FAM193A: variants seen among roughly 807,000 people sequenced by gnomAD.
FAM193A encodes the protein protein FAM193A.
In FAM193A, 22 loss-of-function variants were observed where a neutral mutation model predicts 126.5. The ratio of observed to expected loss-of-function variants is 0.17; its 90% CI spans 0.12 to 0.25. The LOEUF is 0.25. Ranked by LOEUF, FAM193A falls within the 10% of genes least tolerant of loss-of-function variation. The pLI is 1.00. For missense variants in FAM193A, 1,675 were observed against 1,672.8 expected (o/e 1.00, Z -0.02); for synonymous variants, 761 against 646.8 (o/e 1.18, Z -2.68).
chr4:2,666,042 A>G (rs1268831389), intron 12 of FAM193A, among the ~76,000 whole-genome samples: 1 of 152,120 alleles, frequency 6.6e-6, no homozygotes, highest in African/African-American at 2.4e-5. Context: ...GAATTGTTGC[A>G]AGCAGATATC....
intron 12 of FAM193A, among the ~76,000 whole-genome samples, chr4:2,671,741 T>A (rs1296986015): frequency 6.6e-6 from 1 of 152,252 alleles, no homozygotes; most frequent in Non-Finnish European, 1.5e-5. Context: ...AGAATCCATG[T>A]GTGACTACTT....
At chr4:2,657,778 T>TC in intron 7 of FAM193A, 25 bp from the exon 8 acceptor site, 1 of 1,542,914 alleles carries the variant, frequency 6.5e-7, no homozygotes, top group Non-Finnish European at 8.8e-7. Flanking sequence ...TTCTTTTTTT[T>TC]CTGTTTTTTA....
In FAM193A at chr4:2,540,944, G is replaced by A. The variant is rs1737195042; in HGVS notation, c.255+3774G>A. Among the ~76,000 whole-genome samples the A allele has an allele frequency of 2.7e-5, 4 of 146,128 alleles. No homozygotes were observed. The Admixed American group carries it at 2.8e-4, about 10-fold the overall frequency. On this transcript the variant is annotated intron_variant, in intron 1 of 20. Transcript: ENST00000637812. ...TCACTACACTCTAGCCTGGGCGACA[G>A]TGCAAGACTGTGTCTCAAAATCCGT...
At chr4:2,579,426 G>C (rs918617364) in intron 1 of FAM193A, among the ~76,000 whole-genome samples, 1 of 152,138 alleles carries the variant, frequency 6.6e-6, no homozygotes, top group Non-Finnish European at 1.5e-5. Context: ...GGCTGGACGT[G>C]GTGGCTCACA....
chr4:2,716,806 A>G (rs1034712240), intron 20 of FAM193A, among the ~76,000 whole-genome samples: 2 of 151,776 alleles, frequency 1.3e-5, no homozygotes, highest in Admixed American at 1.3e-4. Flanking sequence ...CCTCCAGACT[A>G]GCTGGGATTA....
At chr4:2,640,125 T>C (rs1744468439) in intron 6 of FAM193A, among the ~76,000 whole-genome samples, 1 of 152,170 alleles carries the variant, frequency 6.6e-6, no homozygotes, top group African/African-American at 2.4e-5. Context: ...ATATAGCACT[T>C]TTCCTTGACA....
intron 1 of FAM193A, 23 bp from the exon 2 acceptor site, chr4:2,596,061 A>G (rs1740840645): frequency 1.5e-6 from 1 of 681,418 alleles, no homozygotes; most frequent in Admixed American, 2.2e-5. Context: ...TTTTGAAAAT[A>G]GAATTTTTTT....
At chr4:2,728,587 G>T (rs148937535) in intron 20 of FAM193A, among the ~76,000 whole-genome samples, 410 of 152,224 alleles carry the variant, frequency 2.7e-3, no homozygotes, top group African/African-American at 7.7e-3. Flanking sequence ...GGGGCCTGGG[G>T]CTGAAATTTT....
chr4:2,716,884 C>T (rs781520010), intron 20 of FAM193A, among the ~76,000 whole-genome samples: 70 of 152,264 alleles, frequency 4.6e-4, no homozygotes, highest in Non-Finnish European at 9.3e-4. Context: ...CCGTGGTTAC[C>T]AGACTGGTCT....
At chr4:2,555,846 G>C (rs1053142813) in intron 1 of FAM193A, among the ~76,000 whole-genome samples, 1 of 151,854 alleles carries the variant, frequency 6.6e-6, no homozygotes, top group Non-Finnish European at 1.5e-5. Flanking sequence ...TCGATCTCCT[G>C]ACCTTGTGAT....
intron 1 of FAM193A, among the ~76,000 whole-genome samples, chr4:2,593,648 T>C (rs1448777647): frequency 6.6e-6 from 1 of 152,024 alleles, no homozygotes; most frequent in African/African-American, 2.4e-5. Flanking sequence ...CTGGTGAATG[T>C]ACAGGAGCTG....
chr4:2,608,009 G>A (rs1741645161), intron 2 of FAM193A: 5 of 1,597,466 alleles, frequency 3.1e-6, no homozygotes, highest in Non-Finnish European at 4.3e-6. Context: ...CTGCTGGGGT[G>A]TGAATGTGCA....
At chr4:2,725,576 T>C (rs1175113315) in intron 20 of FAM193A, among the ~76,000 whole-genome samples, 1 of 151,984 alleles carries the variant, frequency 6.6e-6, no homozygotes, top group East Asian at 1.9e-4. Context: ...GTATAGACTC[T>C]AGATAGAGTG....
chr4:2,659,945 A>G lies in FAM193A; in HGVS notation c.1636A>G (p.Ser546Gly), dbSNP rs1418148390. The change falls in exon 10 of 21, where the codon AGC becomes GGC. Residue 546 changes from serine (S) to glycine (G), a missense_variant. This residue lies in a region of FAM193A where 1,186 missense variants were observed against 1,109.2 expected (regional missense o/e 1.07). Coordinates refer to ENST00000637812, the MANE Select transcript of FAM193A (RefSeq NM_001366318.2). ...TGCTCCTGACTATCTTGCTGAGAGG[A>G]GCCCGCCCAGTGTGTCATCTGCAAG... ...DPAPDYLAER[S>G]PPSVSSASSG... 1 of 1,614,158 alleles carries G rather than the reference A, an allele frequency of 6.2e-7. No individual in the cohort carries two copies. Among genetic ancestry groups the G allele is most frequent in the Non-Finnish European group, 8.5e-7 (1 of 1,180,036 alleles).
At chr4:2,588,095 C>G (rs1323990537) in intron 1 of FAM193A, among the ~76,000 whole-genome samples, 1 of 152,172 alleles carries the variant, frequency 6.6e-6, no homozygotes, top group Non-Finnish European at 1.5e-5. Context: ...CCTCAGCAGT[C>G]TGTGAATACC....
At chr4:2,571,195 C>T (rs1310710327) in intron 1 of FAM193A, among the ~76,000 whole-genome samples, 1 of 152,136 alleles carries the variant, frequency 6.6e-6, no homozygotes, top group Admixed American at 6.6e-5. Context: ...TCACATTTCC[C>T]GTAAGTGGAC....
chr4:2,686,546 G>A (rs1471193861), intron 13 of FAM193A, among the ~76,000 whole-genome samples: 2 of 150,780 alleles, frequency 1.3e-5, no homozygotes, highest in East Asian at 1.9e-4. Context: ...ATGAGCCCAC[G>A]GGTGGTTTTG....
intron 13 of FAM193A, 112 bp from the exon 14 acceptor site, chr4:2,689,394 G>C (rs1015497578): frequency 6.9e-6 from 5 of 724,308 alleles, no homozygotes; most frequent in Non-Finnish European, 8.8e-6. Context: ...CTCAGCTCAT[G>C]GCGAGCACAT....
intron 5 of FAM193A, among the ~76,000 whole-genome samples, chr4:2,636,432 G>A (rs1358377125): frequency 1.3e-5 from 2 of 152,128 alleles, no homozygotes; most frequent in Non-Finnish European, 2.9e-5. Flanking sequence ...ACGCGGGAGA[G>A]TTTCTTAATG....
Sources: allele counts gnomAD v4.1 joint callset (sites outside exome capture counted in the v4.1 genomes callset), GRCh38; gene constraint gnomAD v4.1.1; regional missense constraint gnomAD v4.1.1; transcripts MANE v1.5; gene names NCBI Gene and HGNC (gene_info 2026-07-23, HGNC 2026-07-21).